The following BRK1 variants were observed in gnomAD, a reference collection of about 807,000 sequenced individuals.
BRK1 encodes protein BRICK1.
In BRK1, 6 loss-of-function variants were observed where a neutral mutation model predicts 9.9. That is an observed-to-expected ratio of 0.60 (90% CI 0.33 to 1.19). BRK1 has a LOEUF of 1.19. BRK1 is among the 50% of genes most tolerant of loss of function. The probability of loss-of-function intolerance (pLI) is 0.04; values close to 1 mark genes in which losing one functional copy is unlikely to be tolerated. For synonymous variants in BRK1, 44 were observed against 31.9 expected, an observed-to-expected ratio of 1.38 and a Z score of -1.28; for missense variants, 62 against 97.5, an observed-to-expected ratio of 0.64 and a Z score of 1.53.
chr3:10,123,397 C>T (rs542245196), intron 1 of BRK1, among the ~76,000 whole-genome samples: 1 of 151,868 alleles, frequency 6.6e-6, no homozygotes, highest in East Asian at 1.9e-4. Flanking sequence ...CACCTTCCCT[C>T]CCCATAATTT....
chr3:10,125,460 T>C (rs1473193940), intron 1 of BRK1, among the ~76,000 whole-genome samples, 166 bp from the exon 2 acceptor site: 4 of 152,146 alleles, frequency 2.6e-5, no homozygotes, highest in African/African-American at 9.7e-5. Flanking sequence ...TGATAGGAAG[T>C]TCAGCAGATC....
chr3:10,123,838 T>C, intron 1 of BRK1, among the ~76,000 whole-genome samples: 1 of 134,958 alleles, frequency 7.4e-6, no homozygotes, highest in African/African-American at 2.8e-5. Flanking sequence ...CAGGTTCAAG[T>C]GATTCTCCTG....
chr3:10,126,623 T>C lies in BRK1; in HGVS notation c.*328T>C, dbSNP rs933784889. 3.7e-6 allele frequency: 1 copy of C among 270,202 alleles called. No homozygotes were observed. Among genetic ancestry groups the C allele is most frequent in the Non-Finnish European group, 7.1e-6 (1 of 141,448 alleles). The allele number at this position is 270,202 out of a possible 1,614,324, so 16.7% of individuals were successfully genotyped here. A position where few individuals can be genotyped will look rare whatever the true frequency, so the allele number is the denominator to read the frequency against. On this transcript the variant is annotated 3_prime_UTR_variant, in exon 3 of 3. Coordinates refer to ENST00000530758, the MANE Select transcript of BRK1 (RefSeq NM_018462.5). ...AGGTCCTCCTCACCTCTATCTTTCTTTCTCTCTCTCTCAAACTTTCCTTAA... is the reference window on the plus strand; with the variant it reads ...AGGTCCTCCTCACCTCTATCTTTCTCTCTCTCTCTCTCAAACTTTCCTTAA...
intron 1 of BRK1, among the ~76,000 whole-genome samples, chr3:10,121,141 T>C (rs977551475): frequency 2.6e-5 from 4 of 152,018 alleles, no homozygotes; most frequent in Non-Finnish European, 5.9e-5. Flanking sequence ...GGCAAATCCA[T>C]AGAGACAAAG....
chr3:10,121,541 T>G (rs960470511), intron 1 of BRK1, among the ~76,000 whole-genome samples: 1 of 146,402 alleles, frequency 6.8e-6, no homozygotes, highest in Admixed American at 6.7e-5. Flanking sequence ...TATACCAGAA[T>G]CCATCTTTTT....
intron 2 of BRK1, 91 bp downstream of exon 2, chr3:10,125,799 C>T: frequency 1.1e-6 from 1 of 951,598 alleles, no homozygotes; most frequent in Non-Finnish European, 1.6e-6. Context: ...TCTTAGGAAA[C>T]TTAAGCACTG....
intron 1 of BRK1, among the ~76,000 whole-genome samples, chr3:10,116,632 G>A (rs905911913): frequency 1.3e-5 from 2 of 152,116 alleles, no homozygotes; most frequent in East Asian, 1.9e-4. Context: ...ACTTGGCACT[G>A]GTTAGACTTT....
intron 1 of BRK1, among the ~76,000 whole-genome samples, chr3:10,124,856 C>T (rs1695815045): frequency 6.6e-6 from 1 of 152,184 alleles, no homozygotes; most frequent in Non-Finnish European, 1.5e-5. Context: ...TGGCTCCCTT[C>T]TTCCACTTTC....
intron 1 of BRK1, 33 bp downstream of exon 1, chr3:10,115,852 G>A (rs777833946): frequency 1.3e-6 from 2 of 1,569,200 alleles, no homozygotes; most frequent in South Asian, 2.2e-5. Context: ...GCGGGGAGGA[G>A]GGAGGCCGCT....
intron 2 of BRK1, 75 bp downstream of exon 2, chr3:10,125,783 A>G: frequency 8.8e-7 from 1 of 1,131,164 alleles, no homozygotes; most frequent in Non-Finnish European, 1.3e-6. Context: ...CTGAAAGCAG[A>G]AACAGTCTTA....
At position 10,127,000 on chromosome 3, in the gene BRK1, T is replaced by C. The variant is rs1366630177; in HGVS notation, c.*705T>C. On this transcript the variant is annotated 3_prime_UTR_variant, in exon 3 of 3. Transcript: ENST00000530758. ...ACAGAAATGTAATACATGGCGTTATTATTCTAACATAAAACTTTCAGATGT... is the reference window on the plus strand; with the variant it reads ...ACAGAAATGTAATACATGGCGTTATCATTCTAACATAAAACTTTCAGATGT... 6.5e-6 allele frequency: 1 copy of C among 152,672 alleles called. No individual in the cohort carries two copies. Among genetic ancestry groups the C allele is most frequent in the Non-Finnish European group, 1.5e-5 (1 of 68,058 alleles). The allele number at this position is 152,672 out of a possible 1,614,324, so 9.5% of individuals were successfully genotyped here. A position where few individuals can be genotyped will look rare whatever the true frequency, so the allele number is the denominator to read the frequency against.
chr3:10,121,037 C>T (rs1448239921), intron 1 of BRK1, among the ~76,000 whole-genome samples: 1 of 152,100 alleles, frequency 6.6e-6, no homozygotes, highest in East Asian at 1.9e-4. Context: ...GGCAGTACAT[C>T]CAGGAAAAGG....
chr3:10,124,272 G>A (rs1188479181), intron 1 of BRK1, among the ~76,000 whole-genome samples: 1 of 150,688 alleles, frequency 6.6e-6, no homozygotes, highest in East Asian at 2.0e-4. Context: ...GGCCAACATG[G>A]TGAAACCCCG....
intron 1 of BRK1, among the ~76,000 whole-genome samples, chr3:10,119,054 T>G (rs1695722629): frequency 1.3e-5 from 2 of 150,026 alleles, no homozygotes; most frequent in Non-Finnish European, 2.9e-5. Flanking sequence ...TTCTGTTGCC[T>G]GGAGTGCAGT....
intron 1 of BRK1, among the ~76,000 whole-genome samples, chr3:10,116,666 G>A (rs151297949): frequency 6.6e-6 from 1 of 152,150 alleles, no homozygotes; most frequent in South Asian, 2.1e-4. Context: ...AGGATATAGG[G>A]ACTAGTGTAC....
rs529793994 is a variant in BRK1 at position 10,119,659 on chromosome 3, C to T, written c.118+3840C>T. Reference sequence around the variant, plus strand: ...GTGAGAGTAGAGTCACAGTCTCCCACGTGAACTTGAGGACATACAAATCGT... The same window carrying T: ...GTGAGAGTAGAGTCACAGTCTCCCATGTGAACTTGAGGACATACAAATCGT... On this transcript the variant is annotated intron_variant, in intron 1 of 2. Transcript: ENST00000530758. Among the ~76,000 whole-genome samples, 7 of 152,192 alleles carry T rather than the reference C, an allele frequency of 4.6e-5. 1 individual carries two copies. In the East Asian group the frequency reaches 7.7e-4, roughly 17 times the overall value.
At chr3:10,125,509 G>A in intron 1 of BRK1, 117 bp from the exon 2 acceptor site, 1 of 647,288 alleles carries the variant, frequency 1.5e-6, no homozygotes, top group Non-Finnish European at 2.7e-6. Flanking sequence ...TCTTAGCACT[G>A]TATCCATTTC....
intron 1 of BRK1, among the ~76,000 whole-genome samples, chr3:10,116,226 G>T (rs1474965588): frequency 1.3e-5 from 2 of 152,148 alleles, no homozygotes; most frequent in Non-Finnish European, 2.9e-5. Context: ...CAAGACTGTT[G>T]ACCGTTCCCC....
At chr3:10,121,103 G>A (rs957978152) in intron 1 of BRK1, among the ~76,000 whole-genome samples, 5 of 152,092 alleles carry the variant, frequency 3.3e-5, no homozygotes, top group Admixed American at 2.6e-4. Context: ...CAGCACAAGC[G>A]TAAAAAGAAT....
Sources: gnomAD v4.1 joint callset for allele counts (sites outside exome capture counted in the v4.1 genomes callset) on GRCh38, gnomAD v4.1.1 for gene constraint, MANE v1.5 for transcripts, NCBI Gene and HGNC (gene_info 2026-07-23, HGNC 2026-07-21) for gene names.